Variants in DNASE1 observed in about 807,000 individuals in gnomAD.
DNASE1 encodes the protein deoxyribonuclease 1.
DNASE1 carries 40 observed loss-of-function variants against 33.9 expected under a neutral mutation model. The observed-to-expected ratio is 1.18, with a 90% CI of 0.92 to 1.54. DNASE1 has a LOEUF of 1.54. Ranked by LOEUF, DNASE1 falls within the 40% of genes most tolerant of loss-of-function variation. DNASE1 has a pLI of 0.00. For missense variants in DNASE1, 518 were observed against 372.6 expected (o/e 1.39, Z -3.21); for synonymous variants, 216 against 160.0 (o/e 1.35, Z -2.64).
In DNASE1 at chr16:3,648,705, A is replaced by C. The variant is rs1038903883; in HGVS notation, c.-86+5669A>C. On this transcript the variant is annotated intron_variant, in intron 1 of 9. Transcript: ENST00000407479. Reference sequence around the variant, plus strand: ...GACCAATAAGAGCCATTACAAACTTAAGAGTTTACTATTAATACTTCCCAG... The same window carrying C: ...GACCAATAAGAGCCATTACAAACTTCAGAGTTTACTATTAATACTTCCCAG... 2.6e-5 allele frequency among the ~76,000 whole-genome samples: 4 copies of C among 152,360 alleles called. No individual in the cohort carries two copies. The East Asian group carries it at 5.8e-4, about 22-fold the overall frequency.
intron 1 of DNASE1, among the ~76,000 whole-genome samples, chr16:3,623,679 A>T (rs1221423763): frequency 6.6e-6 from 1 of 152,200 alleles, no homozygotes; most frequent in Non-Finnish European, 1.5e-5. Flanking sequence ...AACACCTGTA[A>T]TCCCAGGACT....
chr16:3,663,547 C>T, exon 10 of DNASE1: 1 of 1,614,000 alleles, frequency 6.2e-7, no homozygotes, highest in South Asian at 1.1e-5. Flanking sequence ...TCAAACTGCT[C>T]AAAGCAGAAG....
At chr16:3,647,009 C>G (rs908894137) in intron 1 of DNASE1, among the ~76,000 whole-genome samples, 16 of 152,128 alleles carry the variant, frequency 1.1e-4, no homozygotes, top group Non-Finnish European at 4.4e-5. Flanking sequence ...TCAGACCTGT[C>G]TGAGGGGAGA....
intron 1 of DNASE1, among the ~76,000 whole-genome samples, chr16:3,635,721 C>A (rs1269458239): frequency 6.9e-6 from 1 of 143,976 alleles, no homozygotes. Context: ...TTTTTTTTTT[C>A]CTTACAACAC....
chr16:3,663,542 C>G (rs780175390), exon 10 of DNASE1: 11 of 1,613,972 alleles, frequency 6.8e-6, no homozygotes, highest in African/African-American at 2.7e-5. Context: ...GCTCATCAAA[C>G]TGCTCAAAGC....
intron 1 of DNASE1, among the ~76,000 whole-genome samples, chr16:3,620,786 A>AT (rs75645360): frequency 5.7e-4 from 84 of 147,294 alleles, no homozygotes; most frequent in African/African-American, 1.2e-3. Context: ...GGTTTGCCTG[A>AT]TTTTTTTTTT....
At chr16:3,636,014 G>T (rs1176690242) in intron 1 of DNASE1, among the ~76,000 whole-genome samples, 1 of 152,106 alleles carries the variant, frequency 6.6e-6, no homozygotes, top group African/African-American at 2.4e-5. Context: ...TATTGTTTCA[G>T]ATACTTTTTC....
At chr16:3,658,117 G>T (rs766207503), downstream of DNASE1, 1 of 1,612,824 alleles carries the variant, frequency 6.2e-7, no homozygotes, top group Non-Finnish European at 8.5e-7. Flanking sequence ...AGTCCTTCTG[G>T]CCCCCTGGCT....
At chr16:3,640,974 T>C (rs2042009695), upstream of DNASE1, 1 of 398,398 alleles carries the variant, frequency 2.5e-6, no homozygotes, top group Non-Finnish European at 4.4e-6. Context: ...CTTTGGACAG[T>C]GGGGAGCAGG....
intron 1 of DNASE1, among the ~76,000 whole-genome samples, chr16:3,634,260 GCT>G (rs1380680432): frequency 6.6e-6 from 1 of 151,720 alleles, no homozygotes; most frequent in Non-Finnish European, 1.5e-5. Flanking sequence ...ACAGAGTTTC[GCT>G]CTGTCACCCA....
chr16:3,632,960 T>G (rs945476329), intron 1 of DNASE1, among the ~76,000 whole-genome samples: 8 of 152,234 alleles, frequency 5.3e-5, no homozygotes, highest in African/African-American at 1.9e-4. Context: ...TAACATTTTT[T>G]GCAAGGTGGA....
At chr16:3,654,076 T>G (rs1429563179), upstream of DNASE1, 5 of 257,556 alleles carry the variant, frequency 1.9e-5, no homozygotes, top group Non-Finnish European at 3.6e-5. Flanking sequence ...GCCACTGCAC[T>G]CCAGCCTTGG....
In DNASE1 at chr16:3,654,921, G is replaced by T. The variant is rs1477090566; in HGVS notation, c.-125G>T. The T allele has an allele frequency of 2.2e-6, 1 of 453,862 alleles. No homozygotes were observed. The allele number at this position is 453,862 out of a possible 1,614,324, so 28.1% of individuals were successfully genotyped here. On this transcript the variant is annotated 5_prime_UTR_variant, in exon 1 of 9. Coordinates refer to ENST00000246949, the MANE Select transcript of DNASE1 (RefSeq NM_005223.4). ...GCCAGGGCCTTGAAGTGCTTCTTCAGAGACCTTTCTTCATAGACTACTTTT... is the reference window on the plus strand; with the variant it reads ...GCCAGGGCCTTGAAGTGCTTCTTCATAGACCTTTCTTCATAGACTACTTTT...
At chr16:3,661,530 G>C (rs557801804), downstream of DNASE1, 108 of 153,706 alleles carry the variant, frequency 7.0e-4, no homozygotes, top group Middle Eastern at 6.5e-3. Context: ...CAGCAGAGCA[G>C]AACGGAGCAG....
chr16:3,641,977 C>T (rs969386107), upstream of DNASE1, among the ~76,000 whole-genome samples: 3 of 152,234 alleles, frequency 2.0e-5, no homozygotes, highest in Non-Finnish European at 2.9e-5. Context: ...TTGGCCTTGG[C>T]CTCAGACCCG....
chr16:3,652,361 C>G (rs2042363813), upstream of DNASE1: 1 of 152,364 alleles, frequency 6.6e-6, no homozygotes, highest in African/African-American at 2.4e-5. Flanking sequence ...CGCCCTCTAG[C>G]TTTACTCCCT....
At chr16:3,661,841 T>C, downstream of DNASE1, 2 of 1,118,148 alleles carry the variant, frequency 1.8e-6, no homozygotes. Flanking sequence ...GGGTGCAGCC[T>C]AAACTGCATA....
downstream of DNASE1, chr16:3,661,067 C>CAAAAAAGAAACTTCATAT (rs2043047286): frequency 1.3e-5 from 2 of 151,688 alleles, no homozygotes; most frequent in Admixed American, 1.3e-4. Context: ...AAATTTCCCC[C>CAAAAAAGAAACTTCATAT]AAAAAAGAAA....
upstream of DNASE1, among the ~76,000 whole-genome samples, chr16:3,637,958 G>T (rs1177072499): frequency 3.9e-5 from 6 of 152,132 alleles, no homozygotes; most frequent in Non-Finnish European, 8.8e-5. Context: ...GGGGTTGTTT[G>T]CCAGTTCAGT....
Sources: gnomAD v4.1 joint callset for allele counts (sites outside exome capture counted in the v4.1 genomes callset) on GRCh38, gnomAD v4.1.1 for gene constraint, MANE v1.5 for transcripts, NCBI Gene and HGNC (gene_info 2026-07-23, HGNC 2026-07-21) for gene names.